Variants in PDE8A observed in about 807,000 individuals in gnomAD.
The protein encoded by PDE8A is phosphodiesterase 8A.
A neutral mutation model predicts 105.0 loss-of-function variants in PDE8A; 59 were observed. The observed-to-expected ratio is 0.56, with a 90% confidence interval of 0.46 to 0.70. PDE8A has a LOEUF of 0.70. Among genes scored for constraint, PDE8A ranks in the 30% least tolerant of loss-of-function variants. The pLI is 0.00. For synonymous variants in PDE8A, 355 were observed against 371.9 expected (o/e 0.95, Z 0.52); for missense variants, 1,014 against 1,045.9 (o/e 0.97, Z 0.42).
chr15:85,029,511 C>G (rs1042568239), intron 1 of PDE8A, among the ~76,000 whole-genome samples: 3 of 151,350 alleles, frequency 2.0e-5, no homozygotes, highest in Non-Finnish European at 4.4e-5. Flanking sequence ...TTTGTCTGAG[C>G]TTATTACCTC....
At chr15:85,007,408 G>A (rs2080165773) in intron 1 of PDE8A, among the ~76,000 whole-genome samples, 1 of 150,230 alleles carries the variant, frequency 6.7e-6, no homozygotes, top group Non-Finnish European at 1.5e-5. Flanking sequence ...GGGGACACAG[G>A]GCGGCTTCTA....
At chr15:85,006,119 G>A (rs879605334) in intron 1 of PDE8A, among the ~76,000 whole-genome samples, 4 of 152,088 alleles carry the variant, frequency 2.6e-5, no homozygotes, top group Non-Finnish European at 5.9e-5. Flanking sequence ...GGGGACTGTT[G>A]TGAGGTGGGG....
intron 3 of PDE8A, among the ~76,000 whole-genome samples, chr15:85,072,220 C>G (rs1012828832): frequency 2.6e-5 from 4 of 152,142 alleles, no homozygotes; most frequent in Non-Finnish European, 5.9e-5. Context: ...TAGCAAAGCA[C>G]AAGTAATGGA....
chr15:85,064,669 A>C (rs776959324), intron 2 of PDE8A, among the ~76,000 whole-genome samples: 10 of 152,158 alleles, frequency 6.6e-5, no homozygotes, highest in African/African-American at 2.4e-4. Flanking sequence ...TGGTTCAGCA[A>C]TAGGTCAGGC....
chr15:85,101,724 A>G (rs1380928076), intron 11 of PDE8A, among the ~76,000 whole-genome samples: 1 of 152,200 alleles, frequency 6.6e-6, no homozygotes, highest in Non-Finnish European at 1.5e-5. Flanking sequence ...GCCAGGGAAT[A>G]ATAAGGTGAT....
At chr15:85,094,686 GT>G (rs923722128) in intron 8 of PDE8A, among the ~76,000 whole-genome samples, 5 of 151,976 alleles carry the variant, frequency 3.3e-5, no homozygotes, top group Admixed American at 6.6e-5. Context: ...CTCCCCGTTG[GT>G]CCCCTCCATC....
intron 1 of PDE8A, among the ~76,000 whole-genome samples, chr15:85,011,373 T>TA (rs1391687098): frequency 5.3e-5 from 8 of 152,202 alleles, no homozygotes; most frequent in Non-Finnish European, 1.0e-4. Context: ...GGTCCAAAAC[T>TA]CAACCCTGTC....
intron 1 of PDE8A, among the ~76,000 whole-genome samples, chr15:84,991,914 G>A (rs1047651685): frequency 5.3e-5 from 8 of 152,224 alleles, no homozygotes; most frequent in South Asian, 2.1e-4. Flanking sequence ...TTGGGAGGCC[G>A]AGGCAGGAGG....
At chr15:85,007,467 C>T (rs1427511858) in intron 1 of PDE8A, among the ~76,000 whole-genome samples, 5 of 150,420 alleles carry the variant, frequency 3.3e-5, no homozygotes, top group Non-Finnish European at 5.9e-5. Context: ...TATACAGGTA[C>T]GTTCAGTTTG....
At chr15:85,123,312 T>TCA in intron 19 of PDE8A, 119 bp downstream of exon 19, 3 of 774,348 alleles carry the variant, frequency 3.9e-6, no homozygotes, top group Non-Finnish European at 6.5e-6. Flanking sequence ...TCTATTAGAC[T>TCA]CTTACAGGGA....
At chr15:84,996,476 G>T (rs1243291233) in intron 1 of PDE8A, among the ~76,000 whole-genome samples, 1 of 151,990 alleles carries the variant, frequency 6.6e-6, no homozygotes. Flanking sequence ...TACCGTGCTT[G>T]GCAGGTATTT....
In PDE8A at chr15:85,027,802, A is replaced by G. The variant is rs560023420; in HGVS notation, c.187-36568A>G. Among the ~76,000 whole-genome samples, 109 of 152,262 alleles carry G rather than the reference A, an allele frequency of 7.2e-4. 1 individual carries two copies. Among genetic ancestry groups the G allele is most frequent in the African/African-American group, 2.5e-3 (103 of 41,568 alleles). On this transcript the variant is annotated intron_variant, in intron 1 of 21. Coordinates refer to ENST00000394553, the MANE Select transcript of PDE8A (RefSeq NM_002605.3). Reference sequence around the variant, plus strand: ...ATTTTACCACGTAGAGGAGGGTATTATTTACCACTGATTTTTTTTTGGTTG... The same window carrying G: ...ATTTTACCACGTAGAGGAGGGTATTGTTTACCACTGATTTTTTTTTGGTTG...
At chr15:84,983,650 C>T (rs1479414655) in intron 1 of PDE8A, among the ~76,000 whole-genome samples, 2 of 152,192 alleles carry the variant, frequency 1.3e-5, no homozygotes, top group Non-Finnish European at 2.9e-5. Context: ...CTCTTAATAT[C>T]AGTGTTAAGC....
chr15:85,133,612 T>C (rs1163672613), intron 20 of PDE8A, among the ~76,000 whole-genome samples: 1 of 152,210 alleles, frequency 6.6e-6, no homozygotes, highest in Non-Finnish European at 1.5e-5. Flanking sequence ...TGTAAGGTTA[T>C]TTTAGCCAGT....
At chr15:85,000,316 A>C (rs959739762) in intron 1 of PDE8A, among the ~76,000 whole-genome samples, 1 of 152,174 alleles carries the variant, frequency 6.6e-6, no homozygotes, top group South Asian at 2.1e-4. Context: ...ATATACTGAT[A>C]ATGGAAAAAT....
At chr15:85,001,259 C>CA (rs1211539104) in intron 1 of PDE8A, among the ~76,000 whole-genome samples, 2 of 152,000 alleles carry the variant, frequency 1.3e-5, no homozygotes, top group African/African-American at 4.8e-5. Flanking sequence ...TGTAATTAAC[C>CA]AAAAAAACCT....
chr15:85,079,594 G>T (rs185051886), intron 5 of PDE8A, among the ~76,000 whole-genome samples: 3 of 152,314 alleles, frequency 2.0e-5, no homozygotes, highest in African/African-American at 7.2e-5. Flanking sequence ...TGTAAAATCA[G>T]TGAGAAACAC....
At chr15:85,012,924 A>G (rs2141336227) in intron 1 of PDE8A, among the ~76,000 whole-genome samples, 1 of 152,232 alleles carries the variant, frequency 6.6e-6, no homozygotes, top group African/African-American at 2.4e-5. Context: ...TTTGGAAACA[A>G]AAGAGTGGGA....
intron 11 of PDE8A, among the ~76,000 whole-genome samples, chr15:85,101,842 C>G (rs34345801): frequency 0.23 from 34,728 of 152,060 alleles, 4,279 homozygotes; most frequent in African/African-American, 0.31. Flanking sequence ...GAGATTCAGG[C>G]AGTAGCAGTA....
Sources: gnomAD v4.1 joint callset for allele counts (sites outside exome capture counted in the v4.1 genomes callset) on GRCh38, gnomAD v4.1.1 for gene constraint, MANE v1.5 for transcripts, NCBI Gene and HGNC (gene_info 2026-07-23, HGNC 2026-07-21) for gene names.